Variants in CDH2 observed in about 807,000 individuals in gnomAD.
The protein encoded by CDH2 is cadherin 2.
In CDH2, 17 loss-of-function variants were observed where a neutral mutation model predicts 92.0. The ratio of observed to expected loss-of-function variants is 0.18; its 90% CI spans 0.13 to 0.28. The LOEUF is 0.28. Ranked by LOEUF, CDH2 falls within the 10% of genes least tolerant of loss-of-function variation. The probability of loss-of-function intolerance (pLI) is 1.00; values close to 1 mark genes in which losing one functional copy is unlikely to be tolerated. For missense variants in CDH2, 862 were observed against 1,133.1 expected, an observed-to-expected ratio of 0.76 and a Z score of 3.44; for synonymous variants, 419 against 415.9, an observed-to-expected ratio of 1.01 and a Z score of -0.09.
intron 6 of CDH2, among the ~76,000 whole-genome samples, chr18:27,935,355 A>T (rs758200970): frequency 6.6e-6 from 1 of 152,164 alleles, no homozygotes; most frequent in Non-Finnish European, 1.5e-5. Flanking sequence ...GAGAGAGTGA[A>T]GTGGGAGGTG....
chr18:28,176,737 C>A (rs1181202960), intron 1 of CDH2, among the ~76,000 whole-genome samples: 3 of 151,814 alleles, frequency 2.0e-5, no homozygotes, highest in Admixed American at 2.0e-4. Flanking sequence ...CCTAGAGCCC[C>A]GCCAGGAAAG....
intron 1 of CDH2, chr18:28,159,417 G>A (rs2016271311): frequency 6.6e-6 from 1 of 152,222 alleles, no homozygotes; most frequent in Non-Finnish European, 1.5e-5. Flanking sequence ...GGACTACGGT[G>A]ATATTTTCCT....
At chr18:28,014,132 C>A (rs773660459) in intron 2 of CDH2, among the ~76,000 whole-genome samples, 4 of 152,050 alleles carry the variant, frequency 2.6e-5, no homozygotes, top group Non-Finnish European at 5.9e-5. Context: ...TCTTCCAAAG[C>A]TTTCCCCTTC....
chr18:28,089,350 A>T (rs1406766800), intron 2 of CDH2, among the ~76,000 whole-genome samples: 1 of 152,200 alleles, frequency 6.6e-6, no homozygotes, highest in Non-Finnish European at 1.5e-5. Context: ...ATCAAACAAC[A>T]ATATTCAGTC....
chr18:27,971,997 G>C (rs11083241), intron 14 of CDH2, among the ~76,000 whole-genome samples: 1 of 152,030 alleles, frequency 6.6e-6, no homozygotes, highest in South Asian at 2.1e-4. Context: ...TCTGGTTCCC[G>C]AGACTGGCAG....
chr18:28,054,295 A>G (rs2014249742), intron 2 of CDH2, among the ~76,000 whole-genome samples: 2 of 152,160 alleles, frequency 1.3e-5, no homozygotes, highest in African/African-American at 4.8e-5. Context: ...CTTACCAAAA[A>G]TAGTTAGACT....
At chr18:27,972,314 T>C (rs906963807) in intron 14 of CDH2, among the ~76,000 whole-genome samples, 2 of 152,212 alleles carry the variant, frequency 1.3e-5, no homozygotes, top group Admixed American at 1.3e-4. Flanking sequence ...GCTGTGGCTA[T>C]GAGCCTAGCC....
intron 14 of CDH2, among the ~76,000 whole-genome samples, chr18:27,966,823 T>C (rs990618622): frequency 6.6e-6 from 1 of 152,208 alleles, no homozygotes; most frequent in African/African-American, 2.4e-5. Context: ...AAAACTTCGG[T>C]GGTCTTGCTT....
chr18:27,938,386 A>G (rs1909067907), intron 6 of CDH2, among the ~76,000 whole-genome samples: 1 of 152,228 alleles, frequency 6.6e-6, no homozygotes, highest in Non-Finnish European at 1.5e-5. Context: ...TTGAATATAT[A>G]ATTTGAATAT....
intron 14 of CDH2, among the ~76,000 whole-genome samples, chr18:27,972,545 G>A (rs533564331): frequency 6.6e-6 from 1 of 152,194 alleles, no homozygotes; most frequent in Non-Finnish European, 1.5e-5. Flanking sequence ...GCCTGACACA[G>A]AACAAATATG....
intron 15 of CDH2, among the ~76,000 whole-genome samples, chr18:27,962,152 T>TG (rs1298542789): frequency 6.6e-6 from 1 of 152,190 alleles, no homozygotes; most frequent in South Asian, 2.1e-4. Context: ...TTCTCCTAAC[T>TG]GGATCTATAT....
chr18:28,013,877 C>T lies in CDH2; in HGVS notation c.205G>A (p.Val69Ile), dbSNP rs755723588. ...GCAGGCTCACTGCTCTCATATTGTA[C>T]TTTTCTTTTTCCATTGCAGTTGCTA... Reference protein sequence around the residue: ...KFSNCNGKRKVQYESSEPADF... With the variant: ...KFSNCNGKRKIQYESSEPADF... Residue 69 changes from valine (V) to isoleucine (I), a missense_variant, in exon 3 of 16, where the codon GTA becomes ATA. Val to Ile is a conservative substitution (Grantham distance 29). Transcript: ENST00000269141. 1.9e-6 allele frequency: 3 copies of T among 1,613,372 alleles called. No homozygotes were observed. Among genetic ancestry groups the T allele is most frequent in the Non-Finnish European group, 2.5e-6 (3 of 1,179,900 alleles).
intron 2 of CDH2, among the ~76,000 whole-genome samples, chr18:28,037,327 T>C (rs934758171): frequency 6.6e-6 from 1 of 152,202 alleles, no homozygotes; most frequent in Admixed American, 6.5e-5. Context: ...TTACACACCA[T>C]GAAACTTTCT....
At chr18:28,130,465 TA>T (rs1025325227) in intron 2 of CDH2, among the ~76,000 whole-genome samples, 1 of 152,248 alleles carries the variant, frequency 6.6e-6, no homozygotes, top group Non-Finnish European at 1.5e-5. Flanking sequence ...TATCGTGATG[TA>T]AAATGTATTT....
intron 1 of CDH2, among the ~76,000 whole-genome samples, chr18:28,152,255 G>C (rs1455785171): frequency 1.3e-5 from 2 of 152,110 alleles, no homozygotes; most frequent in African/African-American, 4.8e-5. Flanking sequence ...ACATCCAAGA[G>C]AGAAAGGGCA....
At chr18:27,976,536 A>G (rs780232928) in intron 14 of CDH2, among the ~76,000 whole-genome samples, 18 of 152,222 alleles carry the variant, frequency 1.2e-4, no homozygotes, top group Non-Finnish European at 2.2e-4. Flanking sequence ...AAAGGATGGT[A>G]TAAGATATGA....
chr18:28,152,145 T>G (rs1245367856), intron 1 of CDH2, among the ~76,000 whole-genome samples: 1 of 152,178 alleles, frequency 6.6e-6, no homozygotes, highest in Non-Finnish European at 1.5e-5. Context: ...TCTCACTTCA[T>G]TCTCACAATA....
intron 6 of CDH2, among the ~76,000 whole-genome samples, chr18:27,943,241 C>T (rs528068259): frequency 1.3e-5 from 2 of 152,248 alleles, no homozygotes; most frequent in Non-Finnish European, 2.9e-5. Flanking sequence ...TCTGTCTTTT[C>T]ACTCAGTGTC....
chr18:28,106,532 C>T (rs1318864425), intron 2 of CDH2, among the ~76,000 whole-genome samples: 7 of 147,808 alleles, frequency 4.7e-5, no homozygotes, highest in Non-Finnish European at 8.9e-5. Flanking sequence ...AGAAGACAAA[C>T]ATTATCCAGT....
Sources: allele counts gnomAD v4.1 joint callset (sites outside exome capture counted in the v4.1 genomes callset), GRCh38; gene constraint gnomAD v4.1.1; transcripts MANE v1.5; gene names NCBI Gene and HGNC (gene_info 2026-07-23, HGNC 2026-07-21).